SNTG2: variants seen among roughly 807,000 people sequenced by gnomAD.
SNTG2 encodes gamma-2-syntrophin.
In SNTG2, 74 loss-of-function variants were observed where a neutral mutation model predicts 70.9. That is an observed-to-expected ratio of 1.04 (90% confidence interval 0.86 to 1.27). The LOEUF (loss-of-function observed/expected upper bound fraction) is 1.27, where lower values mean the gene tolerates loss of function less well. Among genes scored for constraint, SNTG2 ranks in the 50% most tolerant of loss-of-function variants. The pLI, the probability that SNTG2 is intolerant of heterozygous loss-of-function variation, is 0.00. For missense variants in SNTG2, 717 were observed against 690.7 expected, an observed-to-expected ratio of 1.04 and a Z score of -0.43; for synonymous variants, 278 against 273.8, an observed-to-expected ratio of 1.02 and a Z score of -0.15.
At chr2:980,413 C>G (rs1209092129) in intron 1 of SNTG2, among the ~76,000 whole-genome samples, 1 of 152,112 alleles carries the variant, frequency 6.6e-6, no homozygotes, top group Admixed American at 6.5e-5. Context: ...GAAGATAGTA[C>G]TAGAAGGAAA....
chr2:1,200,476 A>C (rs1673209591), intron 8 of SNTG2, among the ~76,000 whole-genome samples: 1 of 152,064 alleles, frequency 6.6e-6, no homozygotes, highest in African/African-American at 2.4e-5. Flanking sequence ...TTTATGACTG[A>C]GACCTCAAAA....
chr2:1,236,311 T>C (rs1676653329), intron 9 of SNTG2, among the ~76,000 whole-genome samples: 1 of 152,258 alleles, frequency 6.6e-6, no homozygotes, highest in South Asian at 2.1e-4. Context: ...TAAAAATTAA[T>C]TTATTATAGC....
chr2:1,324,167 C>T (rs1186931752), intron 16 of SNTG2, among the ~76,000 whole-genome samples: 2 of 152,146 alleles, frequency 1.3e-5, no homozygotes, highest in African/African-American at 4.8e-5. Flanking sequence ...TGAGAGTTGG[C>T]TAACAGTCAC....
chr2:1,303,951 T>G (rs1680568902), intron 14 of SNTG2, among the ~76,000 whole-genome samples: 1 of 152,128 alleles, frequency 6.6e-6, no homozygotes, highest in Admixed American at 6.6e-5. Context: ...CTAAGAAAAC[T>G]TATTTGTAGC....
chr2:1,032,183 G>A (rs1660877570), intron 1 of SNTG2, among the ~76,000 whole-genome samples: 1 of 152,118 alleles, frequency 6.6e-6, no homozygotes, highest in Admixed American at 6.5e-5. Context: ...ACGCTGCAGC[G>A]GGACCACGGG....
At chr2:1,358,583 A>G (rs1324676852) in intron 16 of SNTG2, among the ~76,000 whole-genome samples, 1 of 152,080 alleles carries the variant, frequency 6.6e-6, no homozygotes, top group East Asian at 1.9e-4. Context: ...ATTTTCTAGT[A>G]TCCCTCTTGA....
rs1416451088 is a variant in SNTG2, at chr2:960,697, G to A, written c.72+9629G>A. Among the ~76,000 whole-genome samples, 3 of 146,986 alleles carry A rather than the reference G, an allele frequency of 2.0e-5. No individual in the cohort carries two copies. The East Asian group carries it at 6.1e-4, about 30-fold the overall frequency. ...CTCATGGGAGCATGGTGAGCTCTGAGGGTTCCTAGGTTCTGAAGGGGGTGC... is the reference window on the plus strand; with the variant it reads ...CTCATGGGAGCATGGTGAGCTCTGAAGGTTCCTAGGTTCTGAAGGGGGTGC... On this transcript the variant is annotated intron_variant, in intron 1 of 16. Transcript: ENST00000308624.
intron 2 of SNTG2, among the ~76,000 whole-genome samples, chr2:1,088,566 C>T (rs758529510): frequency 5.9e-5 from 9 of 152,230 alleles, no homozygotes; most frequent in Non-Finnish European, 1.3e-4. Context: ...GAAGAATTGG[C>T]TACTGTTCCT....
At chr2:1,307,602 A>G (rs1282943872) in intron 14 of SNTG2, among the ~76,000 whole-genome samples, 1 of 152,180 alleles carries the variant, frequency 6.6e-6, no homozygotes. Flanking sequence ...TCTCCAGCTC[A>G]AAGCAATGGC....
At chr2:1,032,054 T>G (rs1660868312) in intron 1 of SNTG2, among the ~76,000 whole-genome samples, 2 of 152,156 alleles carry the variant, frequency 1.3e-5, no homozygotes, top group South Asian at 4.1e-4. Flanking sequence ...ATTAAAGTAA[T>G]TATTAAATAA....
chr2:1,266,435 G>A (rs1245396544), intron 13 of SNTG2, among the ~76,000 whole-genome samples: 3 of 152,224 alleles, frequency 2.0e-5, no homozygotes, highest in African/African-American at 4.8e-5. Context: ...TAGACGTGCT[G>A]TAAGTAACTT....
At position 1,137,651 on chromosome 2, in the gene SNTG2, G is replaced by T; in HGVS notation, c.355G>T (p.Asp119Tyr). 1.2e-6 allele frequency: 2 copies of T among 1,613,156 alleles called. No homozygotes were observed. The highest frequency in any genetic ancestry group is 1.7e-6 in the Non-Finnish European group (2 of 1,179,684). ...ADQTGMLFVG[D>Y]AVLQVNGIHV... The stretch of plus-strand genomic sequence containing the variant: ...CCAGACAGGGATGTTGTTCGTAGGA[G>T]ATGCTGTTCTCCAGGTCAGTATTGT... Residue 119 changes from aspartate (D) to tyrosine (Y), a missense_variant, in exon 5 of 17, where the codon GAT (aspartate) becomes TAT (tyrosine). Coordinates refer to ENST00000308624, the MANE Select transcript of SNTG2 (RefSeq NM_018968.4).
chr2:1,302,850 G>A (rs537492669), intron 14 of SNTG2, among the ~76,000 whole-genome samples: 5 of 152,134 alleles, frequency 3.3e-5, no homozygotes, highest in Non-Finnish European at 7.3e-5. Flanking sequence ...CCTATTATCA[G>A]ATAAAGGAGA....
intron 14 of SNTG2, among the ~76,000 whole-genome samples, chr2:1,271,678 C>A (rs1679026721): frequency 6.6e-6 from 1 of 152,088 alleles, no homozygotes; most frequent in Admixed American, 6.5e-5. Context: ...TCATAAGATG[C>A]TTGTGGAAGC....
intron 2 of SNTG2, among the ~76,000 whole-genome samples, chr2:1,087,788 T>C (rs867163408): frequency 1.3e-5 from 2 of 152,314 alleles, no homozygotes; most frequent in African/African-American, 2.4e-5. Context: ...TGTAGGTGTA[T>C]TGCTTCTATA....
chr2:1,297,259 T>A (rs1285491432), intron 14 of SNTG2, among the ~76,000 whole-genome samples: 2 of 152,238 alleles, frequency 1.3e-5, no homozygotes, highest in African/African-American at 4.8e-5. Flanking sequence ...ACTCATCACC[T>A]GAAGGTGGAG....
At chr2:1,338,549 G>A (rs146334033) in intron 16 of SNTG2, among the ~76,000 whole-genome samples, 5 of 152,104 alleles carry the variant, frequency 3.3e-5, no homozygotes, top group South Asian at 2.1e-4. Flanking sequence ...CCCCAGCTCC[G>A]GGTAACCTCT....
intron 4 of SNTG2, among the ~76,000 whole-genome samples, chr2:1,125,650 A>G (rs1387213078): frequency 6.8e-6 from 1 of 147,404 alleles, no homozygotes; most frequent in African/African-American, 2.7e-5. Context: ...TTAAAGATTT[A>G]CAATTAAAGA....
intron 1 of SNTG2, among the ~76,000 whole-genome samples, chr2:999,781 A>G (rs575731992): frequency 3.3e-5 from 5 of 152,124 alleles, no homozygotes; most frequent in South Asian, 2.1e-4. Flanking sequence ...CCAGATGGAC[A>G]TAACAAACAC....
Sources: gnomAD v4.1 joint callset for allele counts (sites outside exome capture counted in the v4.1 genomes callset) on GRCh38, gnomAD v4.1.1 for gene constraint, MANE v1.5 for transcripts, NCBI Gene and HGNC (gene_info 2026-07-23, HGNC 2026-07-21) for gene names.